COL5A2: variants seen among roughly 807,000 people sequenced by gnomAD.
COL5A2 encodes collagen type V alpha 2 chain, also known as collagen alpha-2(V) chain.
A neutral mutation model predicts 208.2 loss-of-function variants in COL5A2; 23 were observed. The ratio of observed to expected loss-of-function variants is 0.11; its 90% CI spans 0.08 to 0.16. The LOEUF (loss-of-function observed/expected upper bound fraction) is 0.16, where lower values mean the gene tolerates loss of function less well. COL5A2 is among the 10% of genes least tolerant of loss of function. The probability of loss-of-function intolerance (pLI) is 1.00; values close to 1 mark genes in which losing one functional copy is unlikely to be tolerated. For missense variants in COL5A2, 1,590 were observed against 1,956.4 expected, an observed-to-expected ratio of 0.81 and a Z score of 3.53; for synonymous variants, 625 against 628.5, an observed-to-expected ratio of 0.99 and a Z score of 0.08.
At chr2:189,431,484 T>A in the COL5A2 span, among the ~76,000 whole-genome samples, 3 of 151,970 alleles carry the variant, frequency 2.0e-5, no homozygotes, top group African/African-American at 7.3e-5. Flanking sequence ...GAATAAACAA[T>A]GTAGAGAAGA....
chr2:189,143,938 A>G (rs774631031), intron 1 of COL5A2, among the ~76,000 whole-genome samples: 1 of 152,188 alleles, frequency 6.6e-6, no homozygotes, highest in East Asian at 1.9e-4. Context: ...CAGAACTGGA[A>G]TTCTTAAAGA....
the COL5A2 span, among the ~76,000 whole-genome samples, chr2:189,235,065 T>C: frequency 1.0e-3 from 152 of 151,830 alleles, no homozygotes; most frequent in African/African-American, 3.4e-3. Flanking sequence ...TTTATACTTA[T>C]ACCATATAGC....
At chr2:189,361,305 T>C in the COL5A2 span, among the ~76,000 whole-genome samples, 1 of 152,214 alleles carries the variant, frequency 6.6e-6, no homozygotes, top group Non-Finnish European at 1.5e-5. Flanking sequence ...TGGGTGCATA[T>C]ATATTTATGA....
the COL5A2 span, among the ~76,000 whole-genome samples, chr2:189,347,043 C>T: frequency 6.6e-6 from 1 of 152,122 alleles, no homozygotes. Flanking sequence ...AATCCCCATT[C>T]CTCAATAACT....
In COL5A2 at chr2:189,104,295, T is replaced by G; in HGVS notation, c.323-18A>C. 6.8e-7 allele frequency: 1 copy of G among 1,462,526 alleles called. No individual in the cohort carries two copies. Among genetic ancestry groups the G allele is most frequent in the Non-Finnish European group, 9.6e-7 (1 of 1,044,632 alleles). The allele number at this position is 1,462,526 out of a possible 1,614,324, so 90.6% of individuals were successfully genotyped here. A position where few individuals can be genotyped will look rare whatever the true frequency, so the allele number is the denominator to read the frequency against. ...TCCTCTACCTGTAAAAAGAAAAGAG[T>G]AAATGTGTTATTTTATGAGGAAACA... On this transcript the variant is annotated intron_variant, in intron 2 of 53. Transcript: ENST00000374866.
chr2:189,066,011 T>C (rs1686140478), intron 23 of COL5A2, among the ~76,000 whole-genome samples: 1 of 152,222 alleles, frequency 6.6e-6, no homozygotes. Flanking sequence ...CTTTACTTAG[T>C]GTGTGTATGG....
rs863223496 is a variant in COL5A2, at chr2:189,041,636, G to C, written c.3583C>G (p.Pro1195Ala). The change falls in exon 50 of 54, where the codon CCA (proline) becomes GCA (alanine). Residue 1195 changes from proline (P) to alanine (A), a missense_variant. By Grantham distance (27) the Pro-to-Ala change is conservative. Coordinates refer to ENST00000374866, the MANE Select transcript of COL5A2 (RefSeq NM_000393.5). ...GKEGNPGPLG[P>A]IGPPGVRGSV... ...CCTCGTACACCTGGAGGTCCAATTG[G>C]CCCAAGTGGCCCAGGGTTTCCTTCT... 2.5e-6 allele frequency: 4 copies of C among 1,613,950 alleles called. No homozygotes were observed. The African/African-American group carries it at 5.3e-5, about 22-fold the overall frequency.
chr2:189,293,339 C>G, the COL5A2 span, among the ~76,000 whole-genome samples: 1 of 152,090 alleles, frequency 6.6e-6, no homozygotes, highest in Non-Finnish European at 1.5e-5. Flanking sequence ...CCCATGGGAG[C>G]AATTCTCAAC....
chr2:189,381,881 T>C, the COL5A2 span, among the ~76,000 whole-genome samples: 1 of 152,118 alleles, frequency 6.6e-6, no homozygotes, highest in African/African-American at 2.4e-5. Flanking sequence ...TAATATAAAC[T>C]TTATTTTTAG....
At chr2:189,360,753 A>C in the COL5A2 span, among the ~76,000 whole-genome samples, 1 of 152,024 alleles carries the variant, frequency 6.6e-6, no homozygotes, top group Non-Finnish European at 1.5e-5. Flanking sequence ...TTAGCTATTT[A>C]TCCTGATGCT....
At chr2:189,432,065 T>A in the COL5A2 span, among the ~76,000 whole-genome samples, 3 of 152,152 alleles carry the variant, frequency 2.0e-5, no homozygotes, top group African/African-American at 7.2e-5. Context: ...AGAGAAGAAT[T>A]TTCAACCTAG....
upstream of COL5A2, among the ~76,000 whole-genome samples, chr2:189,226,963 C>G (rs1399145305): frequency 2.0e-5 from 3 of 152,064 alleles, no homozygotes; most frequent in African/African-American, 7.2e-5. Flanking sequence ...TGGCAGACAT[C>G]AGAGAAAGCA....
At chr2:189,206,759 C>T (rs1047005785) in intron 1 of COL5A2, among the ~76,000 whole-genome samples, 4 of 152,104 alleles carry the variant, frequency 2.6e-5, no homozygotes, top group Non-Finnish European at 4.4e-5. Flanking sequence ...CATGAAGAGC[C>T]ACAGAGGACA....
chr2:189,243,219 A>C, the COL5A2 span, among the ~76,000 whole-genome samples: 1 of 152,094 alleles, frequency 6.6e-6, no homozygotes, highest in African/African-American at 2.4e-5. Context: ...GAAGAAGGGA[A>C]GAAAGGGAGG....
chr2:189,093,679 G>A (rs1361785188), intron 6 of COL5A2, among the ~76,000 whole-genome samples: 2 of 152,136 alleles, frequency 1.3e-5, no homozygotes, highest in Non-Finnish European at 2.9e-5. Context: ...ATTTAAAAAT[G>A]ATATCTTAGA....
chr2:189,140,033 G>A (rs186615084), intron 1 of COL5A2, among the ~76,000 whole-genome samples: 280 of 151,678 alleles, frequency 1.8e-3, no homozygotes, highest in African/African-American at 6.1e-3. Context: ...AGATGGCGCC[G>A]CTGCACTCCA....
At chr2:189,137,424 C>T (rs911441685) in intron 1 of COL5A2, among the ~76,000 whole-genome samples, 5 of 152,178 alleles carry the variant, frequency 3.3e-5, no homozygotes, top group African/African-American at 1.2e-4. Context: ...GTTCTGATCA[C>T]TATTGAAGAA....
chr2:189,051,310 C>T lies in COL5A2; in HGVS notation c.2931+10G>A, dbSNP rs1053424417. 11 of 1,613,934 alleles carry T rather than the reference C, an allele frequency of 6.8e-6. No individual in the cohort carries two copies. Among genetic ancestry groups the T allele is most frequent in the African/African-American group, 1.3e-5 (1 of 74,902 alleles). On this transcript the variant is annotated intron_variant, in intron 42 of 53. Coordinates refer to ENST00000374866, the MANE Select transcript of COL5A2 (RefSeq NM_000393.5). ...TTGAAGGTGGTCTGGAACGGATACG[C>T]CAAACTTACAGGTTGCCCATCTTCT...
the COL5A2 span, among the ~76,000 whole-genome samples, chr2:189,243,684 A>T: frequency 6.6e-6 from 1 of 152,132 alleles, no homozygotes; most frequent in Admixed American, 6.6e-5. Context: ...CAAAACAATC[A>T]TGCCTTCCCA....
Sources: allele counts gnomAD v4.1 joint callset (sites outside exome capture counted in the v4.1 genomes callset), GRCh38; gene constraint gnomAD v4.1.1; transcripts MANE v1.5; gene names NCBI Gene and HGNC (gene_info 2026-07-23, HGNC 2026-07-21).